Variants in PTPRM observed in about 807,000 individuals in gnomAD.
PTPRM encodes the protein protein tyrosine phosphatase receptor type M, also known as receptor-type tyrosine-protein phosphatase mu.
In PTPRM, 47 loss-of-function variants were observed where a neutral mutation model predicts 186.7. That is an observed-to-expected ratio of 0.25 (90% CI 0.20 to 0.32). The LOEUF is 0.32. Ranked by LOEUF, PTPRM falls within the 10% of genes least tolerant of loss-of-function variation. The pLI, the probability that PTPRM is intolerant of heterozygous loss-of-function variation, is 1.00. For synonymous variants in PTPRM, 668 were observed against 674.9 expected, an observed-to-expected ratio of 0.99 and a Z score of 0.16; for missense variants, 1,494 against 1,865.0, an observed-to-expected ratio of 0.80 and a Z score of 3.66.
Position 7,929,152 on chromosome 18 carries a change from G to A in PTPRM, c.663+2469G>A, listed in dbSNP as rs928129710. ...TCCAAGTGATTCCAGTGTGCACCCA[G>A]GGTTGGAAATTACTAGTGTGAAGCA... is the stretch of plus-strand genomic sequence containing the variant. On this transcript the variant is annotated intron_variant, in intron 5 of 32. Transcript: ENST00000580170. Among the ~76,000 whole-genome samples, 4 of 152,106 alleles carry A rather than the reference G, an allele frequency of 2.6e-5. No homozygotes were observed. The East Asian group carries it at 5.8e-4, about 22-fold the overall frequency.
chr18:8,087,296 T>C (rs891794960), intron 10 of PTPRM, among the ~76,000 whole-genome samples: 38 of 152,152 alleles, frequency 2.5e-4, no homozygotes, highest in African/African-American at 8.7e-4. Flanking sequence ...ATAATTCATT[T>C]TTGCTATTTT....
chr18:7,912,296 A>G (rs1249667753), intron 4 of PTPRM, among the ~76,000 whole-genome samples: 2 of 152,178 alleles, frequency 1.3e-5, no homozygotes, highest in Non-Finnish European at 2.9e-5. Flanking sequence ...TTCTTTCCCC[A>G]TTAAATTGCC....
intron 7 of PTPRM, among the ~76,000 whole-genome samples, chr18:8,064,349 C>T (rs1300263224): frequency 2.7e-5 from 4 of 150,416 alleles, no homozygotes; most frequent in Admixed American, 2.0e-4. Context: ...GGCATTGTTA[C>T]ACTTTCCTTC....
At chr18:8,347,877 C>T (rs1285987396) in intron 23 of PTPRM, among the ~76,000 whole-genome samples, 1 of 152,220 alleles carries the variant, frequency 6.6e-6, no homozygotes, top group Non-Finnish European at 1.5e-5. Context: ...GGCCCCACCT[C>T]ATTGCCATCA....
intron 14 of PTPRM, among the ~76,000 whole-genome samples, chr18:8,182,216 T>C (rs1169271722): frequency 1.3e-5 from 2 of 152,170 alleles, no homozygotes; most frequent in Non-Finnish European, 2.9e-5. Flanking sequence ...TTTATTTTAT[T>C]TTATTTTTTA....
At chr18:7,778,337 C>T (rs2145035187) in intron 2 of PTPRM, among the ~76,000 whole-genome samples, 1 of 152,186 alleles carries the variant, frequency 6.6e-6, no homozygotes, top group Admixed American at 6.5e-5. Flanking sequence ...GCTGCTAGCT[C>T]TGAGTCATCA....
Position 7,882,976 on chromosome 18 carries a change from T to A in PTPRM, c.197-5130T>A, listed in dbSNP as rs145532311. Among the ~76,000 whole-genome samples the A allele has an allele frequency of 9.9e-4, 151 of 152,380 alleles. 1 individual carries two copies. The Middle Eastern group carries it at 0.02, about 21-fold the overall frequency. On this transcript the variant is annotated intron_variant, in intron 2 of 32. Coordinates refer to ENST00000580170, the MANE Select transcript of PTPRM (RefSeq NM_001105244.2). ...GAGATTTGAGAATGTGAACATTGCA[T>A]GTTCTTATCAAAGAGTTTTCCTTTT...
At chr18:8,357,609 T>C (rs2095570508) in intron 23 of PTPRM, among the ~76,000 whole-genome samples, 1 of 152,210 alleles carries the variant, frequency 6.6e-6, no homozygotes, top group Non-Finnish European at 1.5e-5. Flanking sequence ...CATGCCCCGT[T>C]GTGTTCTGTA....
intron 2 of PTPRM, among the ~76,000 whole-genome samples, chr18:7,883,230 T>C (rs768269920): frequency 6.6e-6 from 1 of 152,180 alleles, no homozygotes; most frequent in South Asian, 2.1e-4. Flanking sequence ...GGAATGCTTT[T>C]TGTAGGAGGA....
chr18:7,940,902 T>C (rs2052128497), intron 5 of PTPRM, among the ~76,000 whole-genome samples: 1 of 152,112 alleles, frequency 6.6e-6, no homozygotes, highest in Non-Finnish European at 1.5e-5. Context: ...CTAGGAATTA[T>C]GGGGTGCTGT....
intron 7 of PTPRM, among the ~76,000 whole-genome samples, chr18:8,016,384 G>T (rs1236183884): frequency 6.6e-6 from 1 of 151,964 alleles, no homozygotes; most frequent in African/African-American, 2.4e-5. Flanking sequence ...GCCAGGTTTG[G>T]TGGTGCATGC....
chr18:8,369,973 CA>C (rs1211650986), intron 23 of PTPRM, among the ~76,000 whole-genome samples: 1 of 151,926 alleles, frequency 6.6e-6, no homozygotes, highest in African/African-American at 2.4e-5. Flanking sequence ...AAAACAAAAA[CA>C]AATAAAAAAC....
intron 5 of PTPRM, among the ~76,000 whole-genome samples, chr18:7,934,957 T>C (rs547177332): frequency 1.3e-5 from 2 of 152,348 alleles, no homozygotes; most frequent in East Asian, 3.9e-4. Flanking sequence ...ATGTATGCGA[T>C]GTTGCCTTGG....
At chr18:8,247,707 A>C (rs538248082) in intron 15 of PTPRM, 138 bp from the exon 16 acceptor site, 1 of 626,176 alleles carries the variant, frequency 1.6e-6, no homozygotes, top group African/African-American at 1.8e-5. Flanking sequence ...GGGAATGATG[A>C]TATTTCCCAC....
At chr18:7,824,363 G>A (rs531957660) in intron 2 of PTPRM, among the ~76,000 whole-genome samples, 11 of 152,278 alleles carry the variant, frequency 7.2e-5, no homozygotes, top group African/African-American at 1.9e-4. Context: ...AAACAACTCC[G>A]TGGGGTCTCA....
At chr18:8,325,574 C>T (rs1326241829) in intron 22 of PTPRM, among the ~76,000 whole-genome samples, 1 of 152,162 alleles carries the variant, frequency 6.6e-6, no homozygotes, top group Non-Finnish European at 1.5e-5. Flanking sequence ...TGTTCATGGG[C>T]ATTTTGGTTG....
At chr18:7,587,225 A>G (rs2037001956) in intron 1 of PTPRM, among the ~76,000 whole-genome samples, 1 of 152,224 alleles carries the variant, frequency 6.6e-6, no homozygotes, top group Non-Finnish European at 1.5e-5. Flanking sequence ...TGGGCTTTCG[A>G]TGAAATAGTT....
chr18:7,594,549 A>G (rs1446851331), intron 1 of PTPRM, among the ~76,000 whole-genome samples: 3 of 152,074 alleles, frequency 2.0e-5, no homozygotes, highest in Non-Finnish European at 2.9e-5. Context: ...CAGGGTGAAA[A>G]AGTAAGGTGT....
rs2039146417 is a variant in PTPRM at position 7,668,446 on chromosome 18, TCCCTGCTTGGC to T, written c.73+100560_73+100570del. 6.6e-6 allele frequency among the ~76,000 whole-genome samples: 1 copy of T among 152,230 alleles called. No homozygotes were observed. Among genetic ancestry groups the T allele is most frequent in the East Asian group, 1.9e-4 (1 of 5,192 alleles). On this transcript the variant is annotated intron_variant, in intron 1 of 32. Coordinates refer to ENST00000580170, the MANE Select transcript of PTPRM (RefSeq NM_001105244.2). The surrounding 1 kb of genome is among the most constrained non-coding windows in gnomAD (Gnocchi z 4.7). ...CGTTTTACACATTTTTGTTGGATAT[TCCCTGCTTGGC>T]CCCTTGACTCCTAGAGAAGAATCCT...
Sources: allele counts gnomAD v4.1 joint callset (sites outside exome capture counted in the v4.1 genomes callset), GRCh38; gene constraint gnomAD v4.1.1; non-coding constraint Gnocchi (gnomAD v3.1); transcripts MANE v1.5; gene names NCBI Gene and HGNC (gene_info 2026-07-23, HGNC 2026-07-21).